CRYZL1: variants seen among roughly 807,000 people sequenced by gnomAD.
CRYZL1 encodes ferry endosomal RAB5 effector complex subunit 4.
CRYZL1 carries 34 observed loss-of-function variants against 50.6 expected under a neutral mutation model. The ratio of observed to expected loss-of-function variants is 0.67; its 90% CI spans 0.51 to 0.89. CRYZL1 has a LOEUF of 0.89. Among genes scored for constraint, CRYZL1 ranks in the 40% least tolerant of loss-of-function variants. The probability of loss-of-function intolerance (pLI) is 0.00; values close to 1 mark genes in which losing one functional copy is unlikely to be tolerated. For missense variants in CRYZL1, 354 were observed against 402.3 expected (o/e 0.88, Z 1.03); for synonymous variants, 125 against 134.3 (o/e 0.93, Z 0.48).
chr21:33,639,966 C>T (rs187451591), intron 1 of CRYZL1: 12 of 411,268 alleles, frequency 2.9e-5, no homozygotes, highest in South Asian at 1.3e-4. Context: ...GCTGGAATTA[C>T]AGGCGTGCAC....
At chr21:33,622,746 C>T (rs928656723) in intron 3 of CRYZL1, among the ~76,000 whole-genome samples, 6 of 152,126 alleles carry the variant, frequency 3.9e-5, no homozygotes, top group Non-Finnish European at 7.4e-5. Context: ...GCACTTAACA[C>T]TACAGATGCT....
chr21:33,599,159 C>T lies in CRYZL1; in HGVS notation c.667G>A (p.Asp223Asn). The T allele has an allele frequency of 3.1e-6, 5 of 1,614,066 alleles. No homozygotes were observed. The highest frequency in any genetic ancestry group is 4.2e-6 in the Non-Finnish European group (5 of 1,179,978). ...TGGLGVDIVLDAGVRLYSKDD... is the reference protein window; with the variant it reads ...TGGLGVDIVLNAGVRLYSKDD... ...TTCATAAGGTACCTACCTCCAGCATCTAGGACAATATCTACTCCCAGGCCA... is the reference window on the plus strand; with the variant it reads ...TTCATAAGGTACCTACCTCCAGCATTTAGGACAATATCTACTCCCAGGCCA... The change falls in exon 9 of 13, where the codon GAT (aspartate) becomes AAT (asparagine). Residue 223 changes from aspartate (D) to asparagine (N), a missense_variant. Coordinates refer to ENST00000381554, the MANE Select transcript of CRYZL1 (RefSeq NM_145858.3).
chr21:33,621,973 T>C (rs1446907083), intron 4 of CRYZL1, 23 bp downstream of exon 4: 3 of 1,503,284 alleles, frequency 2.0e-6, no homozygotes, highest in Non-Finnish European at 2.8e-6. Flanking sequence ...AATAAATACA[T>C]ATACTCACAT....
At chr21:33,597,180 A>C (rs1316473447) in intron 10 of CRYZL1, 100 bp downstream of exon 10, 22 of 1,219,116 alleles carry the variant, frequency 1.8e-5, no homozygotes, top group Non-Finnish European at 2.4e-5. Context: ...CAGATTTTAT[A>C]CTAATTTAGT....
chr21:33,620,584 G>T (rs2086983525), intron 4 of CRYZL1, among the ~76,000 whole-genome samples: 1 of 151,228 alleles, frequency 6.6e-6, no homozygotes. Flanking sequence ...GCCGATGTGG[G>T]CAGATCACTT....
At chr21:33,604,776 T>C (rs1353720603) in intron 6 of CRYZL1, among the ~76,000 whole-genome samples, 1 of 152,198 alleles carries the variant, frequency 6.6e-6, no homozygotes, top group African/African-American at 2.4e-5. Context: ...TCTCCAATTT[T>C]TGTCAGTTAC....
rs2086620114 is a variant in CRYZL1 at position 33,589,543 on chromosome 21, A to G, written c.*279T>C. ...TGAAAGCAGCAGTTTTCTTCATGGAAGGAATTTTATAGCAGGGGCAAAATA... is the reference window on the plus strand; with the variant it reads ...TGAAAGCAGCAGTTTTCTTCATGGAGGGAATTTTATAGCAGGGGCAAAATA... On this transcript the variant is annotated 3_prime_UTR_variant, in exon 13 of 13. Coordinates refer to ENST00000381554, the MANE Select transcript of CRYZL1 (RefSeq NM_145858.3). 2.1e-6 allele frequency: 1 copy of G among 474,514 alleles called. No individual in the cohort carries two copies. The highest frequency in any genetic ancestry group is 2.0e-5 in the African/African-American group (1 of 49,630). The allele number at this position is 474,514 out of a possible 1,614,324, so 29.4% of individuals were successfully genotyped here. A position where few individuals can be genotyped will look rare whatever the true frequency, so the allele number is the denominator to read the frequency against.
chr21:33,635,539 A>C (rs1054820671), intron 1 of CRYZL1, among the ~76,000 whole-genome samples: 2 of 151,422 alleles, frequency 1.3e-5, no homozygotes, highest in Non-Finnish European at 2.9e-5. Flanking sequence ...ATTTTTTAGT[A>C]CAGACGGGGT....
At chr21:33,598,772 G>C (rs551162982) in intron 9 of CRYZL1, among the ~76,000 whole-genome samples, 1 of 149,516 alleles carries the variant, frequency 6.7e-6, no homozygotes, top group African/African-American at 2.5e-5. Context: ...ACACAAATTC[G>C]TAACTTTCTT....
In CRYZL1 at chr21:33,605,903, C is replaced by T. The variant is rs539914054; in HGVS notation, c.332-2366G>A. 1.5e-4 allele frequency among the ~76,000 whole-genome samples: 23 copies of T among 152,098 alleles called. No homozygotes were observed. The East Asian group carries it at 4.0e-3, about 27-fold the overall frequency. ...TTACCAGCTCTTTGAAATGCTTCCT[C>T]TAGTAGCAATGATTCATGTGGACTA... On this transcript the variant is annotated intron_variant, in intron 6 of 12. Coordinates refer to ENST00000381554, the MANE Select transcript of CRYZL1 (RefSeq NM_145858.3).
intron 1 of CRYZL1, among the ~76,000 whole-genome samples, chr21:33,638,299 G>A (rs765827169): frequency 2.8e-5 from 4 of 145,300 alleles, no homozygotes; most frequent in African/African-American, 5.2e-5. Flanking sequence ...TGCAACCTCC[G>A]CCTCCCGGCT....
chr21:33,612,689 C>G (rs1306911319), intron 6 of CRYZL1, among the ~76,000 whole-genome samples: 4 of 152,136 alleles, frequency 2.6e-5, no homozygotes, highest in Non-Finnish European at 5.9e-5. Flanking sequence ...GATGAAGCAA[C>G]TGTTTAATAT....
intron 6 of CRYZL1, among the ~76,000 whole-genome samples, chr21:33,609,790 C>G (rs2086850438): frequency 6.6e-6 from 1 of 150,954 alleles, no homozygotes; most frequent in Non-Finnish European, 1.5e-5. Flanking sequence ...GCAAGCTCCA[C>G]CTCCCAGGTT....
chr21:33,617,760 A>G (rs2086950804), intron 4 of CRYZL1, among the ~76,000 whole-genome samples: 1 of 152,160 alleles, frequency 6.6e-6, no homozygotes, highest in South Asian at 2.1e-4. Flanking sequence ...TCTGGAATCT[A>G]CAGATAACAC....
At chr21:33,591,501 G>A (rs759900375) in intron 11 of CRYZL1, 165 of 421,222 alleles carry the variant, frequency 3.9e-4, no homozygotes, top group Non-Finnish European at 5.0e-4. Flanking sequence ...CAATGGATGC[G>A]AATGAAATAG....
chr21:33,603,675 T>A (rs1473363208), intron 6 of CRYZL1, 138 bp from the exon 7 acceptor site: 5 of 828,408 alleles, frequency 6.0e-6, no homozygotes, highest in Non-Finnish European at 9.1e-6. Flanking sequence ...CCTACAATAC[T>A]TTCCATTATT....
chr21:33,601,364 T>C (rs2086754966), intron 8 of CRYZL1, among the ~76,000 whole-genome samples: 1 of 152,140 alleles, frequency 6.6e-6, no homozygotes, highest in African/African-American at 2.4e-5. Flanking sequence ...ACAGTGGAAA[T>C]AATGTGAGCT....
At chr21:33,594,794 C>A (rs1022739866) in intron 11 of CRYZL1, 2 of 149,626 alleles carry the variant, frequency 1.3e-5, no homozygotes, top group Non-Finnish European at 3.0e-5. Context: ...AGGCATGTGC[C>A]ACCATGCCCG....
At chr21:33,609,806 C>CA (rs1409171221) in intron 6 of CRYZL1, among the ~76,000 whole-genome samples, 1 of 151,682 alleles carries the variant, frequency 6.6e-6, no homozygotes, top group East Asian at 1.9e-4. Flanking sequence ...AGGTTCACGC[C>CA]ATTCTCCTGC....
Sources: allele counts gnomAD v4.1 joint callset (sites outside exome capture counted in the v4.1 genomes callset), GRCh38; gene constraint gnomAD v4.1.1; transcripts MANE v1.5; gene names NCBI Gene and HGNC (gene_info 2026-07-23, HGNC 2026-07-21).